The following PARVB variants were observed in gnomAD, a reference collection of about 807,000 sequenced individuals.
PARVB encodes beta-parvin.
PARVB carries 46 observed loss-of-function variants against 47.0 expected under a neutral mutation model. The observed-to-expected ratio is 0.98, with a 90% CI of 0.77 to 1.25. The LOEUF (loss-of-function observed/expected upper bound fraction) is 1.25. Ranked by LOEUF, PARVB falls within the 50% of genes most tolerant of loss-of-function variation. The pLI is 0.00. For missense variants in PARVB, 473 were observed against 471.6 expected, an observed-to-expected ratio of 1.00 and a Z score of -0.03; for synonymous variants, 196 against 196.3, an observed-to-expected ratio of 1.00 and a Z score of 0.01.
Position 44,120,934 on chromosome 22 carries a change from C to G in PARVB, c.376+1794C>G, listed in dbSNP as rs567579451. ...TCTCAGCTCACTGCAACCTCCGACT[C>G]CCTAGTTCAAGTGATTCTCCTGCCT... On this transcript the variant is annotated intron_variant, in intron 4 of 12. Transcript: ENST00000338758. Among the ~76,000 whole-genome samples, 82 of 152,044 alleles carry G rather than the reference C, an allele frequency of 5.4e-4. 3 individuals carry two copies. Among genetic ancestry groups the G allele is most frequent in the South Asian group, 1.7e-3 (8 of 4,802 alleles).
chr22:44,148,729 T>C (rs985766537), intron 9 of PARVB: 2 of 152,238 alleles, frequency 1.3e-5, no homozygotes, highest in Admixed American at 6.5e-5. Flanking sequence ...GAAGCATTTT[T>C]CAAACTTGTT....
chr22:44,018,798 C>G (rs1033262533), intron 2 of PARVB, among the ~76,000 whole-genome samples: 3 of 152,212 alleles, frequency 2.0e-5, no homozygotes, highest in Non-Finnish European at 2.9e-5. Flanking sequence ...TCTCCTCACC[C>G]AGATTCTCAG....
intron 2 of PARVB, 28 bp from the exon 3 acceptor site, chr22:44,100,025 G>C: frequency 6.2e-7 from 1 of 1,605,552 alleles, no homozygotes; most frequent in Non-Finnish European, 8.5e-7. Flanking sequence ...CACAATCGCT[G>C]ACCGTGACTT....
intron 1 of PARVB, among the ~76,000 whole-genome samples, chr22:44,086,238 C>T (rs922111083): frequency 5.9e-5 from 9 of 152,214 alleles, no homozygotes; most frequent in East Asian, 1.9e-4. Flanking sequence ...ATCCATTTCT[C>T]GGCAAAAACA....
chr22:44,091,692 G>A lies in PARVB; in HGVS notation c.113-2236G>A, dbSNP rs148953573. On this transcript the variant is annotated intron_variant, in intron 1 of 12. Coordinates refer to ENST00000338758, the MANE Select transcript of PARVB (RefSeq NM_013327.5). ...GGCTAGATAATATTCCGTTGTATAC[G>A]TGGACTACCTTTTGCTTACTCATTC... 1.0e-3 allele frequency among the ~76,000 whole-genome samples: 157 copies of A among 152,236 alleles called. 2 individuals are homozygous for A. Among genetic ancestry groups the A allele is most frequent in the Middle Eastern group, 3.4e-3 (1 of 294 alleles).
intron 2 of PARVB, among the ~76,000 whole-genome samples, chr22:44,011,870 C>T (rs1462641244): frequency 2.0e-5 from 3 of 152,202 alleles, no homozygotes; most frequent in Admixed American, 1.3e-4. Flanking sequence ...ACACCACTCT[C>T]ATCCCCTCAC....
chr22:44,106,846 T>C (rs1293850715), intron 3 of PARVB: 3 of 152,022 alleles, frequency 2.0e-5, no homozygotes, highest in Non-Finnish European at 4.4e-5. Context: ...AGCTAGGCAC[T>C]GAGAATGAGG....
chr22:44,105,785 G>C (rs2052552836), intron 3 of PARVB: 1 of 152,278 alleles, frequency 6.6e-6, no homozygotes, highest in Non-Finnish European at 1.5e-5. Flanking sequence ...ATGCGGCTTA[G>C]AGACAAGACA....
intron 2 of PARVB, among the ~76,000 whole-genome samples, chr22:44,004,582 A>G (rs972158697): frequency 5.9e-5 from 9 of 152,220 alleles, no homozygotes; most frequent in Non-Finnish European, 1.3e-4. Context: ...GTGGCAAGAC[A>G]TGTTTCTCTC....
At chr22:44,163,952 C>T (rs747252444) in intron 12 of PARVB, 22 bp downstream of exon 12, 8 of 1,591,004 alleles carry the variant, frequency 5.0e-6, no homozygotes, top group Middle Eastern at 1.7e-4. Context: ...GGCTCAGGTT[C>T]CCCCGGGAGA....
chr22:44,003,087 A>G (rs2050429017), intron 2 of PARVB, among the ~76,000 whole-genome samples: 1 of 152,164 alleles, frequency 6.6e-6, no homozygotes, highest in Non-Finnish European at 1.5e-5. Context: ...GTGCTTTTCA[A>G]TCAATCAGTT....
intron 11 of PARVB, 43 bp downstream of exon 11, chr22:44,158,126 C>T: frequency 7.6e-7 from 1 of 1,323,480 alleles, no homozygotes; most frequent in Non-Finnish European, 1.1e-6. Flanking sequence ...TCAAGAAATG[C>T]TCATTGAAAT....
intron 1 of PARVB, among the ~76,000 whole-genome samples, chr22:44,093,058 C>T (rs555087174): frequency 1.5e-3 from 221 of 152,364 alleles, no homozygotes; most frequent in African/African-American, 5.0e-3. Flanking sequence ...CCTACCTGCA[C>T]CCGGCACCAT....
At chr22:44,029,114 A>T (rs943931009) in intron 1 of PARVB, among the ~76,000 whole-genome samples, 1 of 152,080 alleles carries the variant, frequency 6.6e-6, no homozygotes, top group Non-Finnish European at 1.5e-5. Flanking sequence ...CTTCTGGAGT[A>T]GTTGGGACTA....
At chr22:44,146,287 AC>A (rs1242730208) in intron 8 of PARVB, 1 of 125,890 alleles carries the variant, frequency 7.9e-6, no homozygotes, top group African/African-American at 3.1e-5. Context: ...ATGTTCACAC[AC>A]AACCTCACAC....
Position 44,024,962 on chromosome 22 carries a change from TA to T in PARVB, c.112+516del, listed in dbSNP as rs201441771. On this transcript the variant is annotated intron_variant, in intron 1 of 12. Coordinates refer to ENST00000338758, the MANE Select transcript of PARVB (RefSeq NM_013327.5). ...CGAGCAAGAATTGCAGAGATCCCAT[TA>T]AAAATTTTTTTTTTTAAATTTTTTA... Among the ~76,000 whole-genome samples the T allele has an allele frequency of 7.3e-3, 1,105 of 152,220 alleles. 14 individuals are homozygous for T. Among genetic ancestry groups the T allele is most frequent in the African/African-American group, 0.025 (1,052 of 41,496 alleles).
At chr22:44,120,902 G>C (rs1261678357) in intron 4 of PARVB, among the ~76,000 whole-genome samples, 1 of 151,728 alleles carries the variant, frequency 6.6e-6, no homozygotes, top group Non-Finnish European at 1.5e-5. Context: ...GGAGTGCAGT[G>C]GTGCGATCTC....
chr22:44,167,809 G>C (rs2054202789), intron 12 of PARVB, among the ~76,000 whole-genome samples: 1 of 152,220 alleles, frequency 6.6e-6, no homozygotes, highest in South Asian at 2.1e-4. Flanking sequence ...CTCGTGGGCA[G>C]GTCATTTCTC....
At chr22:44,033,009 G>A (rs115650905) in intron 1 of PARVB, among the ~76,000 whole-genome samples, 1,582 of 152,282 alleles carry the variant, frequency 0.01, 28 homozygotes, top group African/African-American at 0.037. Context: ...AAAGTTGTGT[G>A]AATCGTTTAA....
Sources: gnomAD v4.1 joint callset for allele counts (sites outside exome capture counted in the v4.1 genomes callset) on GRCh38, gnomAD v4.1.1 for gene constraint, MANE v1.5 for transcripts, NCBI Gene and HGNC (gene_info 2026-07-23, HGNC 2026-07-21) for gene names.